Variants in RFX7 observed in about 807,000 individuals in gnomAD.
The protein encoded by RFX7 is DNA-binding protein RFX7.
In RFX7, 26 loss-of-function variants were observed where a neutral mutation model predicts 111.8. The observed-to-expected ratio is 0.23, with a 90% confidence interval of 0.17 to 0.32. The LOEUF (loss-of-function observed/expected upper bound fraction) is 0.32. Ranked by LOEUF, RFX7 falls within the 10% of genes least tolerant of loss-of-function variation. RFX7 has a pLI of 1.00. For missense variants in RFX7, 1,573 were observed against 1,772.9 expected, an observed-to-expected ratio of 0.89 and a Z score of 2.02; for synonymous variants, 624 against 624.4, an observed-to-expected ratio of 1.00 and a Z score of 0.01.
chr15:56,167,153 A>T (rs987426076), intron 3 of RFX7, among the ~76,000 whole-genome samples: 4 of 151,522 alleles, frequency 2.6e-5, no homozygotes, highest in Non-Finnish European at 2.9e-5. Flanking sequence ...AAAAAACAAA[A>T]TTTTTTTTGC....
At position 56,089,689 on chromosome 15, in the gene RFX7, C is replaced by T. The variant is rs2041571459; in HGVS notation, c.*3656G>A. ...AGGTAGTTCATTACTTTCATTTTCT[C>T]TTGAGTGACTGATTGCCTTTCTTGG... On this transcript the variant is annotated 3_prime_UTR_variant, in exon 10 of 10. Coordinates refer to ENST00000559447, the MANE Select transcript of RFX7 (RefSeq NM_022841.7). The T allele has an allele frequency of 1.5e-5, 2 of 131,458 alleles. No homozygotes were observed. Among genetic ancestry groups the T allele is most frequent in the African/African-American group, 5.7e-5 (2 of 35,296 alleles). 8.1% of individuals were successfully genotyped at this position (131,458 alleles called of 1,614,324 possible).
rs370062058 is a variant in RFX7, at chr15:56,106,945, G to A, written c.402-3275C>T. 1.3e-5 allele frequency among the ~76,000 whole-genome samples: 2 copies of A among 152,114 alleles called. 1 individual carries two copies. ...TTAACTCAGTGTCAGATTATACTTT[G>A]CAAGACTCAAAAAAGGGTGAGGAAC... On this transcript the variant is annotated intron_variant, in intron 5 of 9. Coordinates refer to ENST00000559447, the MANE Select transcript of RFX7 (RefSeq NM_022841.7).
intron 2 of RFX7, among the ~76,000 whole-genome samples, chr15:56,207,199 T>A (rs1258778286): frequency 6.6e-6 from 1 of 152,178 alleles, no homozygotes; most frequent in Non-Finnish European, 1.5e-5. Flanking sequence ...CTGTAAGATT[T>A]CACTTTCATG....
chr15:56,122,207 G>T (rs577691247), intron 5 of RFX7, among the ~76,000 whole-genome samples: 3 of 152,216 alleles, frequency 2.0e-5, no homozygotes, highest in African/African-American at 7.2e-5. Context: ...GCCGTGATCT[G>T]TTTTTGGCCA....
chr15:56,090,135 G>A lies in RFX7; in HGVS notation c.*3210C>T, dbSNP rs1193922015. Reference sequence around the variant, plus strand: ...TATCAGTTTGTTATTTCTGGTACCTGGAAATGTCTATACTGCTTTTGAACA... The same window carrying A: ...TATCAGTTTGTTATTTCTGGTACCTAGAAATGTCTATACTGCTTTTGAACA... On this transcript the variant is annotated 3_prime_UTR_variant, in exon 10 of 10. Coordinates refer to ENST00000559447, the MANE Select transcript of RFX7 (RefSeq NM_022841.7). 1 of 152,044 alleles carries A rather than the reference G, an allele frequency of 6.6e-6. No individual in the cohort carries two copies. Among genetic ancestry groups the A allele is most frequent in the Non-Finnish European group, 1.5e-5 (1 of 68,000 alleles). 9.4% of individuals were successfully genotyped at this position (152,044 alleles called of 1,614,324 possible).
intron 5 of RFX7, among the ~76,000 whole-genome samples, chr15:56,139,653 T>C (rs1396857400): frequency 6.6e-6 from 1 of 152,242 alleles, no homozygotes; most frequent in African/African-American, 2.4e-5. Context: ...GTTCCGTTGC[T>C]GGTGAGGAAC....
chr15:56,167,862 A>T (rs547747329), intron 3 of RFX7, among the ~76,000 whole-genome samples: 7 of 152,218 alleles, frequency 4.6e-5, no homozygotes, highest in Non-Finnish European at 8.8e-5. Flanking sequence ...GTAAGTTTTT[A>T]AAATGGCATT....
At position 56,096,405 on chromosome 15, in the gene RFX7, T is replaced by C. The variant is rs761750743; in HGVS notation, c.1323A>G (p.Ala441=). 1.2e-5 allele frequency: 19 copies of C among 1,613,788 alleles called. No individual in the cohort carries two copies. The highest frequency in any genetic ancestry group is 1.7e-5 in the Admixed American group (1 of 59,988). ...QILPKPANTS[A]LTIRSPTTVL... is the part of the protein sequence containing the mutation. ...CAGTAGTTGGAGAGCGAATGGTGAG[T>C]GCACTGGTGTTCGCTGGTTTGGGTA... The change falls in exon 10 of 10, where the codon GCA becomes GCG. Residue 441 remains alanine (A), a synonymous_variant. Transcript: ENST00000559447.
chr15:56,203,840 T>C (rs1353437699), intron 2 of RFX7, among the ~76,000 whole-genome samples: 1 of 152,086 alleles, frequency 6.6e-6, no homozygotes, highest in Admixed American at 6.5e-5. Context: ...ACCACAAATA[T>C]AGGCAACCAG....
intron 5 of RFX7, among the ~76,000 whole-genome samples, chr15:56,109,053 G>C (rs28757644): frequency 8.6e-5 from 13 of 150,772 alleles, no homozygotes; most frequent in Non-Finnish European, 1.6e-4. Context: ...CACTCCCTCT[G>C]CCTCTCCCTC....
chr15:56,109,407 T>G (rs2041878274), intron 5 of RFX7, among the ~76,000 whole-genome samples: 1 of 152,140 alleles, frequency 6.6e-6, no homozygotes, highest in South Asian at 2.1e-4. Context: ...AACATCCACC[T>G]CCCAGCAGCC....
intron 5 of RFX7, among the ~76,000 whole-genome samples, chr15:56,114,587 T>TA (rs2041983686): frequency 6.6e-6 from 1 of 152,182 alleles, no homozygotes; most frequent in Admixed American, 6.5e-5. Context: ...ATCATACTAA[T>TA]ATATCACCTT....
In RFX7 at chr15:56,095,387, C is replaced by T; in HGVS notation, c.2341G>A (p.Gly781Arg). The change falls in exon 10 of 10, where the codon GGA becomes AGA. Residue 781 changes from glycine (G) to arginine (R), a missense_variant. This residue lies in a region of RFX7 where 625 missense variants were observed against 632.2 expected (regional missense o/e 0.99). Transcript: ENST00000559447. ...GAATCTTTAGTGATTTGTTGCCATC[C>T]ATTTGGATTAAAGCTGCCAACTGAC... ...SKSVGSFNPN[G>R]WQQITKDSEF... 6.2e-7 allele frequency: 1 copy of T among 1,613,626 alleles called. No homozygotes were observed. The highest frequency in any genetic ancestry group is 8.5e-7 in the Non-Finnish European group (1 of 1,179,864).
intron 2 of RFX7, among the ~76,000 whole-genome samples, chr15:56,219,196 A>ATATTC: frequency 6.6e-6 from 1 of 152,212 alleles, no homozygotes; most frequent in African/African-American, 2.4e-5. Flanking sequence ...TTAGGATTTT[A>ATATTC]TGTTTTTCTG....
At chr15:56,173,435 T>A (rs1417994261) in intron 3 of RFX7, among the ~76,000 whole-genome samples, 1 of 152,192 alleles carries the variant, frequency 6.6e-6, no homozygotes, top group Admixed American at 6.5e-5. Context: ...GTATTACATA[T>A]GCAAAGAAGC....
intron 3 of RFX7, among the ~76,000 whole-genome samples, chr15:56,176,334 G>A (rs571746156): frequency 6.6e-6 from 1 of 151,994 alleles, no homozygotes; most frequent in Admixed American, 6.6e-5. Flanking sequence ...AGCCCAAGTA[G>A]GACAAACATG....
intron 5 of RFX7, among the ~76,000 whole-genome samples, chr15:56,131,132 G>A (rs1271227647): frequency 6.6e-6 from 1 of 151,334 alleles, no homozygotes; most frequent in Non-Finnish European, 1.5e-5. Flanking sequence ...GAAAATTACA[G>A]ACCAAATTCA....
At chr15:56,154,126 A>G (rs954699669) in intron 3 of RFX7, among the ~76,000 whole-genome samples, 6 of 119,196 alleles carry the variant, frequency 5.0e-5, no homozygotes, top group Non-Finnish European at 1.1e-4. Context: ...TCAAGGAAAT[A>G]AGAGAAGACA....
chr15:56,087,505 GA>G lies in RFX7; in HGVS notation c.*5839del, dbSNP rs1174392399. ...TCCAGCCAGCAGAGAGGAAGGACAA[GA>G]ACACTGCAAAGAAGTAGCACCCAAA... On this transcript the variant is annotated 3_prime_UTR_variant, in exon 10 of 10. Transcript: ENST00000559447. 2.2e-6 allele frequency: 1 copy of G among 456,694 alleles called. No individual in the cohort carries two copies. Among genetic ancestry groups the G allele is most frequent in the Admixed American group, 2.3e-5 (1 of 42,576 alleles). 28.3% of individuals were successfully genotyped at this position (456,694 alleles called of 1,614,324 possible).
Sources: gnomAD v4.1 joint callset for allele counts (sites outside exome capture counted in the v4.1 genomes callset) on GRCh38, gnomAD v4.1.1 for gene constraint, gnomAD v4.1.1 regional missense constraint, MANE v1.5 for transcripts, NCBI Gene and HGNC (gene_info 2026-07-23, HGNC 2026-07-21) for gene names.